FRMD3: variants seen among roughly 807,000 people sequenced by gnomAD.
FRMD3 encodes the protein FERM domain containing 3.
Under a neutral mutation model 70.2 loss-of-function variants are expected in FRMD3, and 33 were observed. The ratio of observed to expected loss-of-function variants is 0.47; its 90% CI spans 0.36 to 0.63. FRMD3 has a LOEUF of 0.63. FRMD3 is among the 20% of genes least tolerant of loss of function. FRMD3 has a pLI of 0.00. For synonymous variants in FRMD3, 279 were observed against 255.9 expected (o/e 1.09, Z -0.86); for missense variants, 632 against 711.4 (o/e 0.89, Z 1.27).
At position 83,453,387 on chromosome 9, in the gene FRMD3, G is replaced by A. The variant is rs117868383; in HGVS notation, c.148-63679C>T. 4.6e-5 allele frequency among the ~76,000 whole-genome samples: 7 copies of A among 152,022 alleles called. No homozygotes were observed. In the East Asian group the frequency reaches 1.4e-3, roughly 29 times the overall value. ...GAATCATTAAAAAAAATCTAACATA[G>A]AAATTTATGGATAAGTTCTAACTCT... On this transcript the variant is annotated intron_variant, in intron 1 of 13. Transcript: ENST00000304195.
chr9:83,299,020 A>G lies in FRMD3; in HGVS notation c.1001+92T>C, dbSNP rs1030325692. On this transcript the variant is annotated intron_variant, in intron 11 of 13. Coordinates refer to ENST00000304195, the MANE Select transcript of FRMD3 (RefSeq NM_174938.6). ...AATGGAAGACTCAAACAGAGGCACAAGCCAAAGGCCACTTATTTGCAAGCA... is the reference window on the plus strand; with the variant it reads ...AATGGAAGACTCAAACAGAGGCACAGGCCAAAGGCCACTTATTTGCAAGCA... 4.8e-6 allele frequency: 5 copies of G among 1,047,576 alleles called. No individual in the cohort carries two copies. In the African/African-American group the frequency reaches 6.3e-5, roughly 13 times the overall value. The allele number at this position is 1,047,576 out of a possible 1,614,324, so 64.9% of individuals were successfully genotyped here.
rs904651704 is a variant in FRMD3, at chr9:83,302,568, C to T, written c.927-3382G>A. 6.6e-5 allele frequency among the ~76,000 whole-genome samples: 10 copies of T among 152,148 alleles called. No individual in the cohort carries two copies. The East Asian group carries it at 1.9e-3, about 29-fold the overall frequency. The stretch of plus-strand genomic sequence containing the variant: ...GATTTGAAAGCACCTAGCATCATAC[C>T]TGCTCATTATATAATAGTTTCCCTT... On this transcript the variant is annotated intron_variant, in intron 10 of 13. Transcript: ENST00000304195.
At chr9:83,432,581 AC>A (rs903258749) in intron 1 of FRMD3, among the ~76,000 whole-genome samples, 18 of 152,328 alleles carry the variant, frequency 1.2e-4, no homozygotes, top group African/African-American at 4.1e-4. Context: ...GCCCTCCGGG[AC>A]TTTTAAAGCT....
chr9:83,335,460 C>G (rs1250434468), intron 6 of FRMD3, 56 bp downstream of exon 6: 1 of 1,486,090 alleles, frequency 6.7e-7, no homozygotes, highest in East Asian at 2.3e-5. Context: ...ACATTCCCTG[C>G]AGTAAGAATA....
intron 1 of FRMD3, among the ~76,000 whole-genome samples, chr9:83,478,116 T>G (rs1353886110): frequency 6.6e-6 from 1 of 152,214 alleles, no homozygotes; most frequent in Non-Finnish European, 1.5e-5. Flanking sequence ...AGCTCCTGTG[T>G]CAAAAGACTT....
At chr9:83,472,172 G>A (rs565591677) in intron 1 of FRMD3, among the ~76,000 whole-genome samples, 36 of 152,206 alleles carry the variant, frequency 2.4e-4, no homozygotes, top group African/African-American at 7.9e-4. Flanking sequence ...CAAAAATAGT[G>A]GTCCATGGTC....
intron 13 of FRMD3, among the ~76,000 whole-genome samples, chr9:83,285,279 G>A (rs1428069498): frequency 1.3e-5 from 2 of 152,108 alleles, no homozygotes; most frequent in African/African-American, 4.8e-5. Context: ...CATTTACAGG[G>A]ATGGTGCTAC....
upstream of FRMD3, chr9:83,538,407 G>C: frequency 2.3e-6 from 1 of 442,062 alleles, no homozygotes; most frequent in Non-Finnish European, 3.7e-6. The surrounding 1 kb of genome is among the most constrained non-coding windows in gnomAD (Gnocchi z 4.7). Context: ...GCGGCGGGCG[G>C]GTCCCTCCCT....
At chr9:83,302,496 G>A (rs1376591010) in intron 10 of FRMD3, among the ~76,000 whole-genome samples, 1 of 152,114 alleles carries the variant, frequency 6.6e-6, no homozygotes, top group Admixed American at 6.5e-5. Context: ...GGGGGAGGGT[G>A]TCATAATATT....
At chr9:83,287,755 C>T (rs1025608085) in intron 13 of FRMD3, among the ~76,000 whole-genome samples, 3 of 152,236 alleles carry the variant, frequency 2.0e-5, no homozygotes, top group African/African-American at 7.2e-5. Flanking sequence ...GGAACAAATG[C>T]CCTCAAGGCA....
chr9:83,284,477 G>A lies in FRMD3; in HGVS notation c.1195+6126C>T, dbSNP rs371040664. 8.2e-4 allele frequency among the ~76,000 whole-genome samples: 125 copies of A among 152,242 alleles called. 2 individuals carry two copies. The South Asian group carries it at 0.022, about 27-fold the overall frequency. Reference sequence around the variant, plus strand: ...ACAAAAATTAGCTGGGCATGGTGGCGTGTGCCTGTAGACCCAGCTACTTGG... The same window carrying A: ...ACAAAAATTAGCTGGGCATGGTGGCATGTGCCTGTAGACCCAGCTACTTGG... On this transcript the variant is annotated intron_variant, in intron 13 of 13. Transcript: ENST00000304195.
At chr9:83,470,240 A>T (rs1828236743) in intron 1 of FRMD3, among the ~76,000 whole-genome samples, 1 of 152,180 alleles carries the variant, frequency 6.6e-6, no homozygotes, top group South Asian at 2.1e-4. Context: ...AAGCCCAGAG[A>T]AGGTTCTGGA....
chr9:83,262,243 C>G (rs976657663), intron 13 of FRMD3, among the ~76,000 whole-genome samples: 4 of 152,196 alleles, frequency 2.6e-5, no homozygotes, highest in African/African-American at 9.7e-5. Context: ...CATCATCTCC[C>G]TCCCAACTCT....
intron 1 of FRMD3, among the ~76,000 whole-genome samples, chr9:83,476,174 A>G (rs547115677): frequency 2.6e-5 from 4 of 152,314 alleles, no homozygotes; most frequent in East Asian, 1.9e-4. Flanking sequence ...ACCTGAGGTC[A>G]GGATTTTGAG....
chr9:83,440,686 A>G (rs1827268444), intron 1 of FRMD3, among the ~76,000 whole-genome samples: 1 of 152,206 alleles, frequency 6.6e-6, no homozygotes, highest in Non-Finnish European at 1.5e-5. Context: ...TCATTTAGTT[A>G]GCAGACAGAC....
At chr9:83,272,658 G>A (rs555742431) in intron 13 of FRMD3, among the ~76,000 whole-genome samples, 2 of 149,640 alleles carry the variant, frequency 1.3e-5, no homozygotes, top group African/African-American at 2.5e-5. Flanking sequence ...GGTAAGTGAG[G>A]AGCGCCTCTG....
chr9:83,384,678 T>G (rs1034818232), intron 2 of FRMD3, among the ~76,000 whole-genome samples: 1 of 152,122 alleles, frequency 6.6e-6, no homozygotes, highest in African/African-American at 2.4e-5. Context: ...GAAAACCTAT[T>G]AAATCCTCTA....
chr9:83,491,329 T>C (rs1053798615), intron 1 of FRMD3, among the ~76,000 whole-genome samples: 23 of 152,142 alleles, frequency 1.5e-4, no homozygotes. Flanking sequence ...CATAAATGTG[T>C]TTGAGACAAT....
In FRMD3 at chr9:83,407,869, C is replaced by CATCTT. The variant is rs1362293829; in HGVS notation, c.148-18162_148-18161insAAGAT. On this transcript the variant is annotated intron_variant, in intron 1 of 13. Transcript: ENST00000304195. ...TCTCTCTCTCTCTCTCTCTCTCTCT[C>CATCTT]TCTCATCTTTCTCTCTCTCTCTCTC... Among the ~76,000 whole-genome samples the CATCTT allele has an allele frequency of 5.7e-3, 686 of 120,898 alleles. 1 individual carries two copies. The highest frequency in any genetic ancestry group is 7.8e-3 in the Non-Finnish European group (486 of 61,942). The allele number at this position is 120,898 out of a possible 152,430, so 79.3% of individuals were successfully genotyped here.
Sources: allele counts gnomAD v4.1 joint callset (sites outside exome capture counted in the v4.1 genomes callset), GRCh38; gene constraint gnomAD v4.1.1; non-coding constraint Gnocchi (gnomAD v3.1); transcripts MANE v1.5; gene names NCBI Gene and HGNC (gene_info 2026-07-23, HGNC 2026-07-21).